TTBK1: variants seen among roughly 807,000 people sequenced by gnomAD.
TTBK1 encodes tau tubulin kinase 1, also known as tau-tubulin kinase 1.
A neutral mutation model predicts 108.5 loss-of-function variants in TTBK1; 34 were observed. The observed-to-expected ratio is 0.31, with a 90% CI of 0.24 to 0.42. The LOEUF (loss-of-function observed/expected upper bound fraction) is 0.42, where lower values mean the gene tolerates loss of function less well. Among genes scored for constraint, TTBK1 ranks in the 10% least tolerant of loss-of-function variants. The pLI, the probability that TTBK1 is intolerant of heterozygous loss-of-function variation, is 1.00. For missense variants in TTBK1, 1,539 were observed against 1,826.0 expected (o/e 0.84, Z 2.86); for synonymous variants, 809 against 795.1 (o/e 1.02, Z -0.29).
At position 43,259,797 on chromosome 6, in the gene TTBK1, G is replaced by A; in HGVS notation, c.1424+91G>A. 7.5e-7 allele frequency: 1 copy of A among 1,335,944 alleles called. No homozygotes were observed. The highest frequency in any genetic ancestry group is 1.0e-6 in the Non-Finnish European group (1 of 995,938). The allele number at this position is 1,335,944 out of a possible 1,614,324, so 82.8% of individuals were successfully genotyped here. A position where few individuals can be genotyped will look rare whatever the true frequency, so the allele number is the denominator to read the frequency against. Reference sequence around the variant, plus strand: ...GAGGAAAAGTTAGATGTGTGGCGGAGGTGGGCAGACCCTGGGAAGTGCTGA... The same window carrying A: ...GAGGAAAAGTTAGATGTGTGGCGGAAGTGGGCAGACCCTGGGAAGTGCTGA... On this transcript the variant is annotated intron_variant, in intron 12 of 14. Coordinates refer to ENST00000259750, the MANE Select transcript of TTBK1 (RefSeq NM_032538.3). This position sits in a 1 kb window ranked among gnomAD's most constrained non-coding sequence, Gnocchi z 6.7.
chr6:43,253,227 A>G lies in TTBK1; in HGVS notation c.257-64A>G, dbSNP rs1158474017. On this transcript the variant is annotated intron_variant, in intron 3 of 14. Transcript: ENST00000259750. This position sits in a 1 kb window ranked among gnomAD's most constrained non-coding sequence, Gnocchi z 5.8. ...GGAATCAAGAGTGCACTAGGAACCCATCTTAGGGTTGGAAATGAGGAAGAA... is the reference window on the plus strand; with the variant it reads ...GGAATCAAGAGTGCACTAGGAACCCGTCTTAGGGTTGGAAATGAGGAAGAA... 1.3e-6 allele frequency: 2 copies of G among 1,574,252 alleles called. No individual in the cohort carries two copies. Among genetic ancestry groups the G allele is most frequent in the African/African-American group, 1.4e-5 (1 of 74,020 alleles).
rs1218550469 is a variant in TTBK1, at chr6:43,285,511, C to T, written c.*135C>T. On this transcript the variant is annotated 3_prime_UTR_variant, in exon 15 of 15. Transcript: ENST00000259750. This position sits in a 1 kb window ranked among gnomAD's most constrained non-coding sequence, Gnocchi z 4.7. ...CCGCGGCCCCAGCTTTCCGCCTGCACCCGCGAGGACGCGCGCGAGCACACG... is the reference window on the plus strand; with the variant it reads ...CCGCGGCCCCAGCTTTCCGCCTGCATCCGCGAGGACGCGCGCGAGCACACG... The T allele has an allele frequency of 2.6e-6, 3 of 1,145,456 alleles. No individual in the cohort carries two copies. Among genetic ancestry groups the T allele is most frequent in the East Asian group, 3.3e-5 (1 of 30,054 alleles). 71.0% of individuals were successfully genotyped at this position (1,145,456 alleles called of 1,614,324 possible).
intron 1 of TTBK1, among the ~76,000 whole-genome samples, chr6:43,245,653 C>G (rs1479087400): frequency 1.3e-5 from 2 of 152,180 alleles, no homozygotes; most frequent in Non-Finnish European, 2.9e-5. Context: ...ATGTGCCTGT[C>G]TTTCCCAACC....
intron 13 of TTBK1, among the ~76,000 whole-genome samples, chr6:43,275,171 G>A (rs926141699): frequency 3.3e-5 from 5 of 152,150 alleles, no homozygotes; most frequent in African/African-American, 1.2e-4. Flanking sequence ...GGACTGCGCA[G>A]CCGGACCCCC....
At position 43,259,091 on chromosome 6, in the gene TTBK1, A is replaced by G; in HGVS notation, c.1070A>G (p.Asp357Gly). The change falls in exon 11 of 15, where the codon GAT becomes GGT. Residue 357 changes from aspartate to glycine, a missense_variant. Transcript: ENST00000259750. This position sits in a 1 kb window ranked among gnomAD's most constrained non-coding sequence, Gnocchi z 6.7. The part of the protein sequence containing the change: ...PGDLLRENTE[D>G]VLQGEHLSDQ... ...GACCTGCTCCGGGAGAACACCGAGG[A>G]TGTGCTACAGGGAGAGCACCTGAGT... 6.2e-7 allele frequency: 1 copy of G among 1,614,068 alleles called. No individual in the cohort carries two copies. The highest frequency in any genetic ancestry group is 1.1e-5 in the South Asian group (1 of 91,068).
At chr6:43,277,180 CTG>C (rs1023925658) in intron 13 of TTBK1, among the ~76,000 whole-genome samples, 2 of 152,114 alleles carry the variant, frequency 1.3e-5, no homozygotes, top group African/African-American at 4.8e-5. Flanking sequence ...GATGGGCAAT[CTG>C]AGAGATATGG....
intron 2 of TTBK1, among the ~76,000 whole-genome samples, chr6:43,251,982 G>C (rs1215831630): frequency 6.6e-6 from 1 of 152,190 alleles, no homozygotes; most frequent in East Asian, 1.9e-4. Flanking sequence ...TCCGCCCTGA[G>C]ACTGGGAGGT....
chr6:43,254,259 G>A (rs953989333), intron 5 of TTBK1, among the ~76,000 whole-genome samples: 1 of 152,206 alleles, frequency 6.6e-6, no homozygotes, highest in Non-Finnish European at 1.5e-5. Flanking sequence ...CCAAAAATGT[G>A]GAGCTGTACA....
In TTBK1 at chr6:43,285,638, GC is replaced by G; in HGVS notation, c.*265del. 1 of 307,078 alleles carries G rather than the reference GC, an allele frequency of 3.3e-6. No homozygotes were observed. The highest frequency in any genetic ancestry group is 5.6e-5 in the East Asian group (1 of 17,996). The allele number at this position is 307,078 out of a possible 1,614,324, so 19.0% of individuals were successfully genotyped here. A position where few individuals can be genotyped will look rare whatever the true frequency, so the allele number is the denominator to read the frequency against. ...CCCTGTGTCCTCTCATCCTCCCGCC[GC>G]CCGTCAGGCCGGCCAGCCTCACATC... is the stretch of plus-strand genomic sequence containing the variant. On this transcript the variant is annotated 3_prime_UTR_variant, in exon 15 of 15. Coordinates refer to ENST00000259750, the MANE Select transcript of TTBK1 (RefSeq NM_032538.3). This position sits in a 1 kb window ranked among gnomAD's most constrained non-coding sequence, Gnocchi z 4.7.
chr6:43,252,745 A>C lies in TTBK1; in HGVS notation c.115A>C (p.Lys39Gln). Reference protein sequence around the residue: ...VVKDRWKVLKKIGGGGFGEIY... With the variant: ...VVKDRWKVLKQIGGGGFGEIY... The stretch of plus-strand genomic sequence containing the variant: ...TATCCCCTCATCTTCATAGCTGAAA[A>C]AGATCGGGGGCGGGGGCTTTGGTGA... Residue 39 changes from lysine to glutamine, a missense_variant, in exon 3 of 15, where the codon AAG becomes CAG. By Grantham distance (53) the Lys-to-Gln change is moderately conservative. Around this residue, in one of 5 missense-constraint regions of TTBK1, gnomAD observed 155 missense variants for 348.5 expected, o/e 0.44. Transcript: ENST00000259750. The C allele has an allele frequency of 6.2e-7, 1 of 1,613,884 alleles. No individual in the cohort carries two copies. Among genetic ancestry groups the C allele is most frequent in the Non-Finnish European group, 8.5e-7 (1 of 1,179,974 alleles).
Position 43,283,658 on chromosome 6 carries a change from AG to A in TTBK1, c.2923del (p.Ala975ProfsTer14). 6.2e-7 allele frequency: 1 copy of A among 1,613,818 alleles called. No individual in the cohort carries two copies. Among genetic ancestry groups the A allele is most frequent in the Non-Finnish European group, 8.5e-7 (1 of 1,179,938 alleles). On this transcript the variant is annotated frameshift_variant, in exon 14 of 15. Transcript: ENST00000259750. LOFTEE classifies it high-confidence loss of function. This position sits in a 1 kb window ranked among gnomAD's most constrained non-coding sequence, Gnocchi z 8.1. ...ELASDGGAVE[E>X]GARAPLENGL... Reference sequence around the variant, plus strand: ...GCCTCTGATGGGGGCGCTGTGGAGGAGGGGGCCCGAGCGCCCCTGGAGAACG... The same window carrying A: ...GCCTCTGATGGGGGCGCTGTGGAGGAGGGGCCCGAGCGCCCCTGGAGAACG...
At chr6:43,272,402 T>C (rs940562224) in intron 13 of TTBK1, 7 of 985,350 alleles carry the variant, frequency 7.1e-6, no homozygotes, top group Non-Finnish European at 8.4e-6. Flanking sequence ...TACATACATA[T>C]TACTGTTTCC....
At chr6:43,281,459 A>C (rs747533582) in intron 13 of TTBK1, among the ~76,000 whole-genome samples, 1 of 152,034 alleles carries the variant, frequency 6.6e-6, no homozygotes, top group Non-Finnish European at 1.5e-5. Flanking sequence ...AGATGGAATC[A>C]GATTAAGTTT....
Position 43,273,668 on chromosome 6 carries a change from G to A in TTBK1, c.1987-9059G>A, listed in dbSNP as rs1436751544. Among the ~76,000 whole-genome samples the A allele has an allele frequency of 6.6e-6, 1 of 152,188 alleles. No individual in the cohort carries two copies. The highest frequency in any genetic ancestry group is 2.4e-5 in the African/African-American group (1 of 41,430). On this transcript the variant is annotated intron_variant, in intron 13 of 14. Transcript: ENST00000259750. This position sits in a 1 kb window ranked among gnomAD's most constrained non-coding sequence, Gnocchi z 4.2. ...GTGTCAGGGAAGTGGCAGGTTCAGGGACTGTGGTAAACAGGGGAACTCCCA... is the reference window on the plus strand; with the variant it reads ...GTGTCAGGGAAGTGGCAGGTTCAGGAACTGTGGTAAACAGGGGAACTCCCA...
intron 13 of TTBK1, among the ~76,000 whole-genome samples, chr6:43,272,898 G>A (rs867391219): frequency 1.4e-4 from 20 of 138,600 alleles, no homozygotes; most frequent in Admixed American, 9.5e-4. Flanking sequence ...AGCCTCCTCG[G>A]GGTCAGCTTT....
chr6:43,286,439 AC>A lies in TTBK1; in HGVS notation c.*1064del, dbSNP rs1778384468. On this transcript the variant is annotated 3_prime_UTR_variant, in exon 15 of 15. Transcript: ENST00000259750. The surrounding 1 kb of genome is among the most constrained non-coding windows in gnomAD (Gnocchi z 4.6). The stretch of plus-strand genomic sequence containing the variant: ...GCACTGGCCCTTCGGAGATTCGGGG[AC>A]TCAGTTCTGGTGGGGTCACCCTCCC... The A allele has an allele frequency of 6.6e-6, 1 of 152,174 alleles. No individual in the cohort carries two copies. Among genetic ancestry groups the A allele is most frequent in the African/African-American group, 2.4e-5 (1 of 41,270 alleles). The allele number at this position is 152,174 out of a possible 1,614,324, so 9.4% of individuals were successfully genotyped here. A position where few individuals can be genotyped will look rare whatever the true frequency, so the allele number is the denominator to read the frequency against.
At position 43,259,481 on chromosome 6, in the gene TTBK1, C is replaced by T; in HGVS notation, c.1249-50C>T. 1 of 1,510,776 alleles carries T rather than the reference C, an allele frequency of 6.6e-7. No homozygotes were observed. Among genetic ancestry groups the T allele is most frequent in the Non-Finnish European group, 8.8e-7 (1 of 1,131,102 alleles). 93.6% of individuals were successfully genotyped at this position (1,510,776 alleles called of 1,614,324 possible). On this transcript the variant is annotated intron_variant, in intron 11 of 14. Transcript: ENST00000259750. This position sits in a 1 kb window ranked among gnomAD's most constrained non-coding sequence, Gnocchi z 6.7. ...TCCTTCACCCTGAGGAGACCATCCG[C>T]CCACAGCCGCCTCATCAGCCCCAGC... is the stretch of plus-strand genomic sequence containing the variant.
Position 43,269,966 on chromosome 6 carries a change from C to CT in TTBK1, c.1986+6617dup. On this transcript the variant is annotated intron_variant, in intron 13 of 14. Transcript: ENST00000259750. This position sits in a 1 kb window ranked among gnomAD's most constrained non-coding sequence, Gnocchi z 4.8. ...ACAAGACCTAGGCTGGGCCCCCCCC[C>CT]TCCTGGAGGGGGCAGGTGGGGGGGG... 4.2e-6 allele frequency: 6 copies of CT among 1,433,548 alleles called. No individual in the cohort carries two copies. Among genetic ancestry groups the CT allele is most frequent in the South Asian group, 3.0e-5 (2 of 67,786 alleles). 88.8% of individuals were successfully genotyped at this position (1,433,548 alleles called of 1,614,324 possible). A position where few individuals can be genotyped will look rare whatever the true frequency, so the allele number is the denominator to read the frequency against.
chr6:43,249,435 T>C (rs1007690130), intron 2 of TTBK1, among the ~76,000 whole-genome samples: 7 of 152,278 alleles, frequency 4.6e-5, no homozygotes, highest in African/African-American at 1.7e-4. Flanking sequence ...ACATTGTGAC[T>C]TTCATGGGCC....
Sources: allele counts gnomAD v4.1 joint callset (sites outside exome capture counted in the v4.1 genomes callset), GRCh38; gene constraint gnomAD v4.1.1; regional missense constraint gnomAD v4.1.1; non-coding constraint Gnocchi (gnomAD v3.1); transcripts MANE v1.5; gene names NCBI Gene and HGNC (gene_info 2026-07-23, HGNC 2026-07-21).